The following PPA2 variants were observed in gnomAD, a reference collection of about 807,000 sequenced individuals.
PPA2 encodes the protein inorganic pyrophosphatase 2, mitochondrial.
In PPA2, 48 loss-of-function variants were observed where a neutral mutation model predicts 49.5. That is an observed-to-expected ratio of 0.97 (90% CI 0.77 to 1.23). The LOEUF is 1.23. Ranked by LOEUF, PPA2 falls within the 50% of genes most tolerant of loss-of-function variation. PPA2 has a pLI of 0.00. For synonymous variants in PPA2, 131 were observed against 139.9 expected, an observed-to-expected ratio of 0.94 and a Z score of 0.45; for missense variants, 429 against 410.1, an observed-to-expected ratio of 1.05 and a Z score of -0.40.
At chr4:105,422,841 A>G (rs915661318) in intron 7 of PPA2, among the ~76,000 whole-genome samples, 1 of 152,194 alleles carries the variant, frequency 6.6e-6, no homozygotes, top group Non-Finnish European at 1.5e-5. Flanking sequence ...TCTCTAAATA[A>G]TATTTTCATT....
Position 105,415,401 on chromosome 4 carries a change from CA to C in PPA2, c.655+8794del, listed in dbSNP as rs375368138. On this transcript the variant is annotated intron_variant, in intron 7 of 11. Coordinates refer to ENST00000341695, the MANE Select transcript of PPA2 (RefSeq NM_176869.3). ...AAAAGTCCAGAGGGGGCCGAGGTGG[CA>C]GGGGGCTGGTGTGTCAGTGCCACTA... Among the ~76,000 whole-genome samples the C allele has an allele frequency of 2.7e-3, 417 of 152,354 alleles. 2 individuals carry two copies. The highest frequency in any genetic ancestry group is 9.4e-3 in the African/African-American group (389 of 41,584).
At chr4:105,431,437 AG>A (rs1723793938) in intron 6 of PPA2, among the ~76,000 whole-genome samples, 1 of 152,202 alleles carries the variant, frequency 6.6e-6, no homozygotes, top group Non-Finnish European at 1.5e-5. Flanking sequence ...AAAAACAAAA[AG>A]GGAAAATAAT....
intron 1 of PPA2, among the ~76,000 whole-genome samples, chr4:105,458,673 T>A (rs537814434): frequency 2.0e-5 from 3 of 151,712 alleles, no homozygotes; most frequent in South Asian, 4.2e-4. Flanking sequence ...AATACAAAAA[T>A]TAGCTGGGCG....
intron 10 of PPA2, among the ~76,000 whole-genome samples, chr4:105,377,261 T>TTC (rs1733293520): frequency 6.6e-6 from 1 of 152,158 alleles, no homozygotes; most frequent in African/African-American, 2.4e-5. Flanking sequence ...TAGAAGGGAT[T>TTC]TCTCTCTCTT....
intron 4 of PPA2, among the ~76,000 whole-genome samples, chr4:105,448,250 C>A (rs1722499861): frequency 1.3e-5 from 2 of 152,112 alleles, no homozygotes; most frequent in Admixed American, 1.3e-4. Context: ...AAAGAATAAT[C>A]TAATATCTTT....
chr4:105,420,853 G>A (rs1002280433), intron 7 of PPA2, among the ~76,000 whole-genome samples: 4 of 152,142 alleles, frequency 2.6e-5, no homozygotes, highest in African/African-American at 9.7e-5. Flanking sequence ...GTTCAAAGAT[G>A]ATCACTTAAT....
chr4:105,445,583 T>C (rs1157964369), intron 5 of PPA2, among the ~76,000 whole-genome samples: 4 of 151,988 alleles, frequency 2.6e-5, no homozygotes, highest in Non-Finnish European at 4.4e-5. Flanking sequence ...ATTTCCCCAA[T>C]ACCATCTTGA....
intron 7 of PPA2, chr4:105,405,218 G>T: frequency 1.3e-6 from 1 of 746,496 alleles, no homozygotes. Context: ...ATGTAGGTAG[G>T]CATAGTTATA....
chr4:105,388,925 G>A (rs557967814), intron 9 of PPA2, among the ~76,000 whole-genome samples: 1 of 151,368 alleles, frequency 6.6e-6, no homozygotes, highest in Non-Finnish European at 1.5e-5. Context: ...AAGATAAACC[G>A]ATACATAGGA....
intron 6 of PPA2, among the ~76,000 whole-genome samples, chr4:105,427,598 CA>C (rs1182926163): frequency 4.6e-5 from 7 of 152,150 alleles, no homozygotes; most frequent in African/African-American, 1.7e-4. Context: ...GACAGGATAT[CA>C]GTGACTGAAG....
At chr4:105,411,696 A>G (rs558882253) in intron 7 of PPA2, among the ~76,000 whole-genome samples, 6 of 152,282 alleles carry the variant, frequency 3.9e-5, no homozygotes, top group East Asian at 1.9e-4. Flanking sequence ...AAACGCCATC[A>G]TCTCAGCCCA....
chr4:105,388,544 G>T (rs1733771716), intron 9 of PPA2, among the ~76,000 whole-genome samples: 1 of 152,182 alleles, frequency 6.6e-6, no homozygotes, highest in African/African-American at 2.4e-5. Flanking sequence ...TGTATGAGCG[G>T]TTGGGTGCAG....
intron 10 of PPA2, among the ~76,000 whole-genome samples, chr4:105,376,376 G>A (rs1733251777): frequency 6.6e-6 from 1 of 152,166 alleles, no homozygotes; most frequent in African/African-American, 2.4e-5. Context: ...ACCAAATGTA[G>A]CAAGAAATAA....
chr4:105,401,854 T>C (rs1722205774), intron 7 of PPA2, among the ~76,000 whole-genome samples: 1 of 152,264 alleles, frequency 6.6e-6, no homozygotes, highest in Non-Finnish European at 1.5e-5. Context: ...TCACATATTA[T>C]GTATGCTGAC....
Position 105,369,607 on chromosome 4 carries a change from AAGT to A in PPA2, c.*115_*117del. The stretch of plus-strand genomic sequence containing the variant: ...TTATTTATATATTGCATAGCTCAAA[AAGT>A]TTGAAAAAATGAAGTTTTAACAGGA... On this transcript the variant is annotated 3_prime_UTR_variant, in exon 12 of 12. Transcript: ENST00000341695. The A allele has an allele frequency of 1.1e-6, 1 of 900,210 alleles. No individual in the cohort carries two copies. The highest frequency in any genetic ancestry group is 1.8e-6 in the Non-Finnish European group (1 of 559,324). 55.8% of individuals were successfully genotyped at this position (900,210 alleles called of 1,614,324 possible). A position where few individuals can be genotyped will look rare whatever the true frequency, so the allele number is the denominator to read the frequency against.
At chr4:105,441,382 T>C (rs549101982) in intron 5 of PPA2, among the ~76,000 whole-genome samples, 1 of 151,910 alleles carries the variant, frequency 6.6e-6, no homozygotes, top group Non-Finnish European at 1.5e-5. Context: ...CTAGTTAAAA[T>C]CACAATAAGA....
rs562447652 is a variant in PPA2, at chr4:105,440,416, C to T, written c.442-2380G>A. Among the ~76,000 whole-genome samples the T allele has an allele frequency of 1.0e-3, 154 of 152,202 alleles. 1 individual carries two copies. The highest frequency in any genetic ancestry group is 3.4e-3 in the African/African-American group (143 of 41,520). ...GGCTGGAACTACAGGCGCCCACCACCACCCTAGCTAATGTTTTTGTATTTT... is the reference window on the plus strand; with the variant it reads ...GGCTGGAACTACAGGCGCCCACCACTACCCTAGCTAATGTTTTTGTATTTT... On this transcript the variant is annotated intron_variant, in intron 5 of 11. Coordinates refer to ENST00000341695, the MANE Select transcript of PPA2 (RefSeq NM_176869.3).
intron 8 of PPA2, among the ~76,000 whole-genome samples, chr4:105,397,100 T>C (rs965367001): frequency 3.3e-5 from 5 of 152,080 alleles, no homozygotes; most frequent in Admixed American, 2.0e-4. Context: ...TTCTTTAGAG[T>C]TTTTTCCCAA....
At chr4:105,403,113 TC>T (rs1165679647) in intron 7 of PPA2, among the ~76,000 whole-genome samples, 1 of 152,116 alleles carries the variant, frequency 6.6e-6, no homozygotes, top group East Asian at 1.9e-4. Flanking sequence ...AACCTTGACT[TC>T]CAGGGCTCAA....
Sources: gnomAD v4.1 joint callset for allele counts (sites outside exome capture counted in the v4.1 genomes callset) on GRCh38, gnomAD v4.1.1 for gene constraint, MANE v1.5 for transcripts, NCBI Gene and HGNC (gene_info 2026-07-23, HGNC 2026-07-21) for gene names.